The following AGBL1 variants were observed in gnomAD, a reference collection of about 807,000 sequenced individuals.
AGBL1 encodes cytosolic carboxypeptidase 4.
A neutral mutation model predicts 118.9 loss-of-function variants in AGBL1; 130 were observed. The ratio of observed to expected loss-of-function variants is 1.09; its 90% CI spans 0.95 to 1.26. The LOEUF (loss-of-function observed/expected upper bound fraction) is 1.26. Ranked by LOEUF, AGBL1 falls within the 50% of genes most tolerant of loss-of-function variation. The pLI, the probability that AGBL1 is intolerant of heterozygous loss-of-function variation, is 0.00. For missense variants in AGBL1, 1,584 were observed against 1,298.1 expected, an observed-to-expected ratio of 1.22 and a Z score of -3.38; for synonymous variants, 555 against 478.9, an observed-to-expected ratio of 1.16 and a Z score of -2.08.
chr15:86,205,242 T>C (rs911570878), intron 5 of AGBL1, among the ~76,000 whole-genome samples: 2 of 152,214 alleles, frequency 1.3e-5, no homozygotes, highest in Non-Finnish European at 2.9e-5. Flanking sequence ...CACTTAGCAA[T>C]ATGCACTTAA....
intron 16 of AGBL1, among the ~76,000 whole-genome samples, chr15:86,282,181 T>C (rs954525027): frequency 6.6e-6 from 1 of 152,046 alleles, no homozygotes; most frequent in Non-Finnish European, 1.5e-5. Flanking sequence ...TAAGAACCAC[T>C]GGGTGGGGGG....
intron 17 of AGBL1, among the ~76,000 whole-genome samples, chr15:86,348,962 G>C (rs2080583148): frequency 6.6e-6 from 1 of 152,016 alleles, no homozygotes; most frequent in Non-Finnish European, 1.5e-5. Flanking sequence ...ACTGGATCAG[G>C]GTGGGCCCAA....
At chr15:86,222,128 C>G (rs1334928865) in intron 5 of AGBL1, among the ~76,000 whole-genome samples, 2 of 152,112 alleles carry the variant, frequency 1.3e-5, no homozygotes, top group Non-Finnish European at 2.9e-5. Flanking sequence ...CTATTCTGCT[C>G]TTGATTGAAT....
At chr15:86,779,932 C>CACAT (rs1226357839) in intron 22 of AGBL1, among the ~76,000 whole-genome samples, 4 of 109,402 alleles carry the variant, frequency 3.7e-5, no homozygotes, top group Non-Finnish European at 7.2e-5. Flanking sequence ...CACACACACA[C>CACAT]ACACACACAC....
intron 17 of AGBL1, among the ~76,000 whole-genome samples, chr15:86,319,743 G>GTTTTT (rs139831044): frequency 2.1e-5 from 1 of 47,230 alleles, no homozygotes. Flanking sequence ...CTCTTTGGTA[G>GTTTTT]TTTTTTTTTT....
intron 24 of AGBL1, among the ~76,000 whole-genome samples, chr15:86,988,928 T>A (rs1314817451): frequency 6.6e-6 from 1 of 152,130 alleles, no homozygotes; most frequent in Admixed American, 6.6e-5. Context: ...GCTAGGACTT[T>A]GAATAAAATA....
intron 18 of AGBL1, among the ~76,000 whole-genome samples, chr15:86,507,010 G>T (rs2082985570): frequency 6.6e-6 from 1 of 152,004 alleles, no homozygotes; most frequent in Middle Eastern, 3.4e-3. Context: ...AATACCCAGT[G>T]AACTGAAGAT....
At chr15:87,013,066 T>C (rs1255740332) in intron 24 of AGBL1, among the ~76,000 whole-genome samples, 1 of 152,228 alleles carries the variant, frequency 6.6e-6, no homozygotes, top group Admixed American at 6.5e-5. Flanking sequence ...TCTTGTAGCC[T>C]GAATTAGTTT....
intron 1 of AGBL1, among the ~76,000 whole-genome samples, chr15:86,090,755 C>T (rs561157259): frequency 6.6e-6 from 1 of 152,214 alleles, no homozygotes; most frequent in East Asian, 1.9e-4. Flanking sequence ...ATTTTTGCTG[C>T]AAAGCTTTTC....
At chr15:86,858,463 G>GGGGTGT (rs1555457467) in intron 22 of AGBL1, among the ~76,000 whole-genome samples, 1 of 147,090 alleles carries the variant, frequency 6.8e-6, no homozygotes, top group Non-Finnish European at 1.5e-5. Flanking sequence ...CCTTTCAGGT[G>GGGGTGT]GTGTGTGTGT....
intron 21 of AGBL1, among the ~76,000 whole-genome samples, chr15:86,589,479 C>T (rs1037934144): frequency 1.3e-5 from 2 of 152,198 alleles, no homozygotes; most frequent in Non-Finnish European, 2.9e-5. Flanking sequence ...CAATAAGATT[C>T]GATATGCATG....
intron 22 of AGBL1, among the ~76,000 whole-genome samples, chr15:86,841,321 A>G (rs980710229): frequency 6.6e-6 from 1 of 152,218 alleles, no homozygotes; most frequent in Non-Finnish European, 1.5e-5. Flanking sequence ...GAGATGGAGT[A>G]TAAGGGGTCA....
chr15:86,309,962 T>A (rs1397002466), intron 17 of AGBL1, among the ~76,000 whole-genome samples: 1 of 152,228 alleles, frequency 6.6e-6, no homozygotes, highest in African/African-American at 2.4e-5. Flanking sequence ...CTTGTAAATG[T>A]TCCCTTGTCT....
intron 1 of AGBL1, among the ~76,000 whole-genome samples, chr15:86,124,738 G>T (rs1207565196): frequency 6.6e-6 from 1 of 152,102 alleles, no homozygotes; most frequent in Admixed American, 6.5e-5. Flanking sequence ...AAGAGTAAAT[G>T]GTTAGAGTAG....
At chr15:86,798,924 A>G (rs1420678704) in intron 22 of AGBL1, among the ~76,000 whole-genome samples, 1 of 151,966 alleles carries the variant, frequency 6.6e-6, no homozygotes, top group Non-Finnish European at 1.5e-5. Context: ...GATTTGGGGA[A>G]GAAGCTGGTT....
chr15:86,797,028 A>G (rs1333182509), intron 22 of AGBL1, among the ~76,000 whole-genome samples: 1 of 152,224 alleles, frequency 6.6e-6, no homozygotes, highest in Non-Finnish European at 1.5e-5. Context: ...TTTAACAACT[A>G]TCTGGCTGTG....
intron 18 of AGBL1, among the ~76,000 whole-genome samples, chr15:86,510,897 A>G (rs752783413): frequency 1.3e-5 from 2 of 152,082 alleles, no homozygotes; most frequent in African/African-American, 2.4e-5. Flanking sequence ...ATTGTCTATC[A>G]CCTTCTGACC....
chr15:86,555,050 C>T (rs2083713662), intron 21 of AGBL1, among the ~76,000 whole-genome samples: 1 of 152,134 alleles, frequency 6.6e-6, no homozygotes, highest in Non-Finnish European at 1.5e-5. Flanking sequence ...GTGGGTCTCC[C>T]AGAATGAGTG....
At chr15:86,561,940 A>G (rs2083828242) in intron 21 of AGBL1, among the ~76,000 whole-genome samples, 1 of 151,998 alleles carries the variant, frequency 6.6e-6, no homozygotes, top group Non-Finnish European at 1.5e-5. Flanking sequence ...TTCACTCATG[A>G]TTTGGCTCTC....
Sources: gnomAD v4.1 joint callset for allele counts (sites outside exome capture counted in the v4.1 genomes callset) on GRCh38, gnomAD v4.1.1 for gene constraint, MANE v1.5 for transcripts, NCBI Gene and HGNC (gene_info 2026-07-23, HGNC 2026-07-21) for gene names.